WNT5B: variants seen among roughly 807,000 people sequenced by gnomAD.
WNT5B encodes Wnt family member 5B.
In WNT5B, 18 loss-of-function variants were observed where a neutral mutation model predicts 36.5. That is an observed-to-expected ratio of 0.49 (90% CI 0.34 to 0.73). The LOEUF is 0.73. WNT5B is among the 30% of genes least tolerant of loss of function. The pLI is 0.01. For missense variants in WNT5B, 424 were observed against 508.4 expected, an observed-to-expected ratio of 0.83 and a Z score of 1.60; for synonymous variants, 213 against 212.3, an observed-to-expected ratio of 1.00 and a Z score of -0.03.
intron 1 of WNT5B, among the ~76,000 whole-genome samples, chr12:1,617,622 C>A (rs1008335568): frequency 2.0e-5 from 3 of 151,560 alleles, no homozygotes; most frequent in South Asian, 2.1e-4. Flanking sequence ...CACAGTGAGA[C>A]CCTATCTCAA....
At chr12:1,634,804 G>T (rs570493125) in intron 3 of WNT5B, among the ~76,000 whole-genome samples, 1 of 152,186 alleles carries the variant, frequency 6.6e-6, no homozygotes, top group African/African-American at 2.4e-5. Context: ...AGAGCAGCTC[G>T]GAGGAGCCTC....
chr12:1,632,858 G>A lies in WNT5B; in HGVS notation c.281G>A (p.Cys94Tyr), dbSNP rs1274830048. Reference sequence around the variant, plus strand: ...CAGTTCCGGCAGCGGCGGTGGAATTGCAGCACAGCGGACAACGCATCTGTC... The same window carrying A: ...CAGTTCCGGCAGCGGCGGTGGAATTACAGCACAGCGGACAACGCATCTGTC... ...QHQFRQRRWN[C>Y]STADNASVFG... Residue 94 changes from cysteine to tyrosine, a missense_variant, in exon 3 of 5, where the codon TGC (cysteine) becomes TAC (tyrosine). Transcript: ENST00000397196. The surrounding 1 kb of genome is among the most constrained non-coding windows in gnomAD (Gnocchi z 5.8). The A allele has an allele frequency of 1.9e-6, 3 of 1,614,128 alleles. No homozygotes were observed. Among genetic ancestry groups the A allele is most frequent in the Non-Finnish European group, 2.5e-6 (3 of 1,179,984 alleles).
rs1464763296 is a variant in WNT5B, at chr12:1,644,761, A to G, written c.622-1033A>G. 1.3e-5 allele frequency: 2 copies of G among 152,114 alleles called. No individual in the cohort carries two copies. Among genetic ancestry groups the G allele is most frequent in the African/African-American group, 2.4e-5 (1 of 41,416 alleles). 9.4% of individuals were successfully genotyped at this position (152,114 alleles called of 1,614,324 possible). ...CGTCAGCATGCTGCCGTTGAAAAGC[A>G]CTCTGTAAGCAGCTTTCTGGTCTGC... On this transcript the variant is annotated intron_variant, in intron 4 of 4. Coordinates refer to ENST00000397196, the MANE Select transcript of WNT5B (RefSeq NM_032642.3). This position sits in a 1 kb window ranked among gnomAD's most constrained non-coding sequence, Gnocchi z 5.1.
chr12:1,625,176 T>C (rs2094539362), upstream of WNT5B, among the ~76,000 whole-genome samples: 1 of 152,054 alleles, frequency 6.6e-6, no homozygotes, highest in African/African-American at 2.4e-5. Context: ...ACATTGGAAA[T>C]AAAGAACTGG....
chr12:1,635,751 A>G (rs1165963760), intron 3 of WNT5B, among the ~76,000 whole-genome samples: 1 of 152,258 alleles, frequency 6.6e-6, no homozygotes, highest in Non-Finnish European at 1.5e-5. Flanking sequence ...CTCTTTGGCC[A>G]TCTTACCATC....
chr12:1,622,222 T>G (rs2094534906), intron 1 of WNT5B, among the ~76,000 whole-genome samples: 1 of 151,274 alleles, frequency 6.6e-6, no homozygotes, highest in Admixed American at 6.6e-5. Flanking sequence ...GCCATTCTCC[T>G]GCTTCAGCCT....
intron 3 of WNT5B, 34 bp from the exon 4 acceptor site, chr12:1,639,650 C>G (rs1329587908): frequency 1.4e-6 from 2 of 1,467,982 alleles, no homozygotes; most frequent in South Asian, 1.4e-5. Context: ...GAGAGGAGAG[C>G]GCACCCGCTT....
At position 1,618,110 on chromosome 12, in the gene WNT5B, C is replaced by G. The variant is rs1380968080; in HGVS notation, c.-58+967C>G. 6.6e-6 allele frequency among the ~76,000 whole-genome samples: 1 copy of G among 152,156 alleles called. No individual in the cohort carries two copies. Among genetic ancestry groups the G allele is most frequent in the Non-Finnish European group, 1.5e-5 (1 of 68,030 alleles). Reference sequence around the variant, plus strand: ...TGAGCTGTGATCATGCCACCGTACTCCAGCCTGGGTGACAGTGAGACGATG... The same window carrying G: ...TGAGCTGTGATCATGCCACCGTACTGCAGCCTGGGTGACAGTGAGACGATG... On this transcript the variant is annotated intron_variant, in intron 1 of 4. Coordinates refer to the WNT5B transcript ENST00000310594. The surrounding 1 kb of genome is among the most constrained non-coding windows in gnomAD (Gnocchi z 4.1).
upstream of WNT5B, among the ~76,000 whole-genome samples, chr12:1,627,726 G>A (rs559315508): frequency 4.6e-5 from 7 of 152,236 alleles, no homozygotes; most frequent in Admixed American, 2.0e-4. The surrounding 1 kb of genome is among the most constrained non-coding windows in gnomAD (Gnocchi z 5.0). Flanking sequence ...GGGGGTCTTG[G>A]AGGTGTAGCA....
In WNT5B at chr12:1,644,751, G is replaced by A. The variant is rs74656020; in HGVS notation, c.622-1043G>A. 36 of 152,346 alleles carry A rather than the reference G, an allele frequency of 2.4e-4. No individual in the cohort carries two copies. The highest frequency in any genetic ancestry group is 1.3e-3 in the East Asian group (7 of 5,188). 9.4% of individuals were successfully genotyped at this position (152,346 alleles called of 1,614,324 possible). ...TGCCATGGTGCGTCAGCATGCTGCC[G>A]TTGAAAAGCACTCTGTAAGCAGCTT... On this transcript the variant is annotated intron_variant, in intron 4 of 4. Coordinates refer to ENST00000397196, the MANE Select transcript of WNT5B (RefSeq NM_032642.3). This position sits in a 1 kb window ranked among gnomAD's most constrained non-coding sequence, Gnocchi z 5.1.
In WNT5B at chr12:1,630,241, G is replaced by A; in HGVS notation, c.-58+870G>A. 1.0e-6 allele frequency: 1 copy of A among 985,336 alleles called. No homozygotes were observed. The highest frequency in any genetic ancestry group is 1.7e-5 in the African/African-American group (1 of 57,354). The allele number at this position is 985,336 out of a possible 1,614,324, so 61.0% of individuals were successfully genotyped here. On this transcript the variant is annotated intron_variant, in intron 1 of 4. Coordinates refer to ENST00000397196, the MANE Select transcript of WNT5B (RefSeq NM_032642.3). The surrounding 1 kb of genome is among the most constrained non-coding windows in gnomAD (Gnocchi z 5.3). ...GCGCTCGTCAGGTCCGGGGCCCCGG[G>A]GAGGCCGCTGGGGGCGCGGGTCACG...
Position 1,630,317 on chromosome 12 carries a change from C to A in WNT5B, c.-58+946C>A. 1 of 836,508 alleles carries A rather than the reference C, an allele frequency of 1.2e-6. No individual in the cohort carries two copies. The highest frequency in any genetic ancestry group is 5.5e-5 in the South Asian group (1 of 18,346). 51.8% of individuals were successfully genotyped at this position (836,508 alleles called of 1,614,324 possible). On this transcript the variant is annotated intron_variant, in intron 1 of 4. Transcript: ENST00000397196. This position sits in a 1 kb window ranked among gnomAD's most constrained non-coding sequence, Gnocchi z 5.3. Reference sequence around the variant, plus strand: ...CGGGGGAGCCGCAGGGGCCGTGTGTCCCGAGGCGCAGGCTCGCTCTAGCAG... The same window carrying A: ...CGGGGGAGCCGCAGGGGCCGTGTGTACCGAGGCGCAGGCTCGCTCTAGCAG...
rs1206147288 is a variant in WNT5B, at chr12:1,646,764, A to T, written c.*512A>T. ...CTCTCTTACTCTTTCATCCACGTGC[A>T]CTTGTGCGGCATCTGCAGTTTACAG... is the stretch of plus-strand genomic sequence containing the variant. On this transcript the variant is annotated 3_prime_UTR_variant, in exon 5 of 5. Coordinates refer to ENST00000397196, the MANE Select transcript of WNT5B (RefSeq NM_032642.3). The T allele has an allele frequency of 2.0e-5, 3 of 152,242 alleles. No individual in the cohort carries two copies. The highest frequency in any genetic ancestry group is 4.4e-5 in the Non-Finnish European group (3 of 68,134). 9.4% of individuals were successfully genotyped at this position (152,242 alleles called of 1,614,324 possible). A position where few individuals can be genotyped will look rare whatever the true frequency, so the allele number is the denominator to read the frequency against.
upstream of WNT5B, among the ~76,000 whole-genome samples, chr12:1,625,877 G>A (rs2094540178): frequency 6.6e-6 from 1 of 151,864 alleles, no homozygotes; most frequent in Admixed American, 6.6e-5. Context: ...TGGCCAGGCT[G>A]GTCTCAAACT....
At position 1,634,736 on chromosome 12, in the gene WNT5B, G is replaced by C. The variant is rs548128002; in HGVS notation, c.328+1831G>C. Reference sequence around the variant, plus strand: ...CCCTCTCCCTATCTTGAGAAGGACCGTCTAAGGCTTCCTTTCTCCTTTGAA... The same window carrying C: ...CCCTCTCCCTATCTTGAGAAGGACCCTCTAAGGCTTCCTTTCTCCTTTGAA... On this transcript the variant is annotated intron_variant, in intron 3 of 4. Transcript: ENST00000397196. Among the ~76,000 whole-genome samples, 3 of 152,154 alleles carry C rather than the reference G, an allele frequency of 2.0e-5. No homozygotes were observed. In the East Asian group the frequency reaches 5.8e-4, roughly 29 times the overall value.
intron 1 of WNT5B, among the ~76,000 whole-genome samples, chr12:1,622,849 C>T (rs1428693063): frequency 1.3e-5 from 2 of 152,156 alleles, no homozygotes; most frequent in East Asian, 3.8e-4. Context: ...GTGGCTAAAA[C>T]ATGTGAGAAG....
chr12:1,624,905 G>A (rs373928151), upstream of WNT5B, among the ~76,000 whole-genome samples: 4 of 151,864 alleles, frequency 2.6e-5, no homozygotes, highest in South Asian at 2.1e-4. Flanking sequence ...AGACCTCTTC[G>A]GTCTCAACCC....
At chr12:1,636,542 CTTT>C (rs55956039) in intron 3 of WNT5B, among the ~76,000 whole-genome samples, 84 of 75,126 alleles carry the variant, frequency 1.1e-3, no homozygotes, top group African/African-American at 3.6e-3. Flanking sequence ...TATATATATA[CTTT>C]TTTTTTTTTT....
At chr12:1,627,503 G>A (rs939277150), upstream of WNT5B, among the ~76,000 whole-genome samples, 1 of 152,182 alleles carries the variant, frequency 6.6e-6, no homozygotes, top group African/African-American at 2.4e-5. This position sits in a 1 kb window ranked among gnomAD's most constrained non-coding sequence, Gnocchi z 5.0. Flanking sequence ...GAGTTGCTTG[G>A]GGTCTCAGCT....
Sources: gnomAD v4.1 joint callset for allele counts (sites outside exome capture counted in the v4.1 genomes callset) on GRCh38, gnomAD v4.1.1 for gene constraint, Gnocchi (gnomAD v3.1) non-coding constraint, MANE v1.5 for transcripts, NCBI Gene and HGNC (gene_info 2026-07-23, HGNC 2026-07-21) for gene names.